Variants in CXCL1 observed in about 807,000 individuals in gnomAD.
CXCL1 encodes growth-regulated alpha protein.
In CXCL1, 9 loss-of-function variants were observed where a neutral mutation model predicts 11.7. That is an observed-to-expected ratio of 0.77 (90% CI 0.46 to 1.34). The LOEUF (loss-of-function observed/expected upper bound fraction) is 1.34, where lower values mean the gene tolerates loss of function less well. Among genes scored for constraint, CXCL1 ranks in the 40% most tolerant of loss-of-function variants. The probability of loss-of-function intolerance (pLI) is 0.00; values close to 1 mark genes in which losing one functional copy is unlikely to be tolerated. For missense variants in CXCL1, 146 were observed against 138.1 expected, an observed-to-expected ratio of 1.06 and a Z score of -0.29; for synonymous variants, 78 against 59.1, an observed-to-expected ratio of 1.32 and a Z score of -1.47.
At chr4:73,869,867 C>G (rs371644294) in intron 2 of CXCL1, 39 bp from the exon 3 acceptor site, 4 of 1,613,962 alleles carry the variant, frequency 2.5e-6, no homozygotes, top group Non-Finnish European at 3.4e-6. Flanking sequence ...CTGTCCCCAG[C>G]CCGACCTCCT....
chr4:73,869,507 C>T lies in CXCL1; in HGVS notation c.37C>T (p.Pro13Ser). Reference protein sequence around the residue: ...RAALSAAPSNPRLLRVALLLL... With the variant: ...RAALSAAPSNSRLLRVALLLL... The stretch of plus-strand genomic sequence containing the variant: ...TGCTCTCTCCGCCGCCCCCAGCAAT[C>T]CCCGGCTCCTGCGAGTGGCACTGCT... The change falls in exon 1 of 4, where the codon CCC (proline) becomes TCC (serine). Residue 13 changes from proline to serine, a missense_variant. By Grantham distance (74) the Pro-to-Ser change is moderately conservative. Coordinates refer to ENST00000395761, the MANE Select transcript of CXCL1 (RefSeq NM_001511.4). The T allele has an allele frequency of 1.3e-6, 2 of 1,592,124 alleles. No individual in the cohort carries two copies. Among genetic ancestry groups the T allele is most frequent in the East Asian group, 2.3e-5 (1 of 43,522 alleles).
At position 73,869,905 on chromosome 4, in the gene CXCL1, G is replaced by C; in HGVS notation, c.225-1G>C. The C allele has an allele frequency of 6.2e-7, 1 of 1,614,176 alleles. No homozygotes were observed. Among genetic ancestry groups the C allele is most frequent in the Admixed American group, 1.7e-5 (1 of 60,014 alleles). On this transcript the variant is annotated splice_acceptor_variant, in intron 2 of 3. Transcript: ENST00000395761. LOFTEE classifies it high-confidence loss of function. ...CTCACGAGATTCCCTTCCCTCTGCA[G>C]AGCCACACTCAAGAATGGGCGGAAA... is the stretch of plus-strand genomic sequence containing the variant.
At chr4:73,870,017 C>G (rs2018732) in intron 3 of CXCL1, 28 bp downstream of exon 3, 7 of 1,606,204 alleles carry the variant, frequency 4.4e-6, no homozygotes, top group Middle Eastern at 1.7e-4. Context: ...TGTACACAGG[C>G]GACTGGAGCC....
rs752979975 is a variant in CXCL1, at chr4:73,869,692, C to G, written c.124C>G (p.Arg42Gly). The stretch of plus-strand genomic sequence containing the variant: ...AGGAGCGTCCGTGGCCACTGAACTG[C>G]GCTGCCAGTGCTTGCAGACCCTGCA... ...AAGASVATEL[R>G]CQCLQTLQGI... The change falls in exon 2 of 4, where the codon CGC becomes GGC. Residue 42 changes from arginine (R) to glycine (G), a missense_variant. Coordinates refer to ENST00000395761, the MANE Select transcript of CXCL1 (RefSeq NM_001511.4). 7.4e-6 allele frequency: 12 copies of G among 1,614,202 alleles called. No individual in the cohort carries two copies. The highest frequency in any genetic ancestry group is 1.1e-5 in the South Asian group (1 of 91,090).
chr4:73,870,215 T>G, intron 3 of CXCL1: 1 of 631,890 alleles, frequency 1.6e-6, no homozygotes, highest in Non-Finnish European at 2.7e-6. Flanking sequence ...TTCGTTCCAA[T>G]GAATGTAGGT....
chr4:73,869,436 C>A lies in CXCL1; in HGVS notation c.-35C>A, dbSNP rs752846210. The A allele has an allele frequency of 6.5e-7, 1 of 1,540,986 alleles. No individual in the cohort carries two copies. The highest frequency in any genetic ancestry group is 1.2e-5 in the South Asian group (1 of 84,456). On this transcript the variant is annotated 5_prime_UTR_variant, in exon 1 of 4. Transcript: ENST00000395761. The stretch of plus-strand genomic sequence containing the variant: ...GCACCTCCTCGCCAGCTCTTCCGCT[C>A]CTCTCACAGCCGCCAGACCCGCCTG...
chr4:73,871,192 A>G lies in CXCL1; in HGVS notation c.*656A>G, dbSNP rs1304776071. 6.6e-6 allele frequency: 1 copy of G among 152,226 alleles called. No individual in the cohort carries two copies. The highest frequency in any genetic ancestry group is 1.5e-5 in the Non-Finnish European group (1 of 68,040). The allele number at this position is 152,226 out of a possible 1,614,324, so 9.4% of individuals were successfully genotyped here. ...TTCTGGCTTAGAACAAAGGGGCTTAATTATTGATGTTTTCATAGAGAATAT... is the reference window on the plus strand; with the variant it reads ...TTCTGGCTTAGAACAAAGGGGCTTAGTTATTGATGTTTTCATAGAGAATAT... On this transcript the variant is annotated 3_prime_UTR_variant, in exon 4 of 4. Transcript: ENST00000395761.
chr4:73,869,853 A>G, intron 2 of CXCL1, 53 bp from the exon 3 acceptor site: 1 of 1,613,598 alleles, frequency 6.2e-7, no homozygotes, highest in Non-Finnish European at 8.5e-7. Context: ...CTGCTGCCCC[A>G]ACCCTGTCCC....
rs1421735588 is a variant in CXCL1, at chr4:73,871,236, G to GA, written c.*706dup. On this transcript the variant is annotated 3_prime_UTR_variant, in exon 4 of 4. Transcript: ENST00000395761. ...AGAATATAAAAATAAAGCACTTATA[G>GA]AAAAAACTCGTTTGATTTTTGGGGG... The GA allele has an allele frequency of 6.6e-6, 1 of 152,158 alleles. No homozygotes were observed. The highest frequency in any genetic ancestry group is 2.4e-5 in the African/African-American group (1 of 41,440). The allele number at this position is 152,158 out of a possible 1,614,324, so 9.4% of individuals were successfully genotyped here.
Position 73,869,586 on chromosome 4 carries a change from C to G in CXCL1, c.100+16C>G. 6.2e-7 allele frequency: 1 copy of G among 1,612,556 alleles called. No individual in the cohort carries two copies. Among genetic ancestry groups the G allele is most frequent in the Non-Finnish European group, 8.5e-7 (1 of 1,179,296 alleles). On this transcript the variant is annotated intron_variant, in intron 1 of 3. Transcript: ENST00000395761. ...CGCGCAGCAGGTGGGTACCGGCGCC[C>G]TGGGGTCCCCGGGCCGGACGCGGCT...
chr4:73,869,869 C>A (rs1186434463), intron 2 of CXCL1, 37 bp from the exon 3 acceptor site: 3 of 1,613,974 alleles, frequency 1.9e-6, no homozygotes, highest in African/African-American at 2.7e-5. Context: ...GTCCCCAGCC[C>A]GACCTCCTGC....
chr4:73,870,027 C>T (rs1731911663), intron 3 of CXCL1, 38 bp downstream of exon 3: 2 of 1,601,026 alleles, frequency 1.2e-6, no homozygotes, highest in Admixed American at 1.7e-5. Context: ...CGACTGGAGC[C>T]GTTGGTCAGA....
intron 3 of CXCL1, chr4:73,870,269 G>A (rs751706267): frequency 4.9e-6 from 3 of 613,108 alleles, no homozygotes; most frequent in Non-Finnish European, 8.5e-6. Flanking sequence ...ACAGCAACAG[G>A]TTCTGGCTGT....
rs1333589724 is a variant in CXCL1, at chr4:73,871,121, T to C, written c.*585T>C. 1 of 152,716 alleles carries C rather than the reference T, an allele frequency of 6.5e-6. No homozygotes were observed. The highest frequency in any genetic ancestry group is 1.5e-5 in the Non-Finnish European group (1 of 68,352). 9.5% of individuals were successfully genotyped at this position (152,716 alleles called of 1,614,324 possible). On this transcript the variant is annotated 3_prime_UTR_variant, in exon 4 of 4. Coordinates refer to ENST00000395761, the MANE Select transcript of CXCL1 (RefSeq NM_001511.4). ...AAATATCCCTTGGACATTTTATGTC[T>C]TTCTTGTAAGGCATACTGCCTTGTT...
Position 73,869,784 on chromosome 4 carries a change from C to T in CXCL1, c.216C>T (p.Thr72=), listed in dbSNP as rs1349267264. The T allele has an allele frequency of 1.9e-6, 3 of 1,613,864 alleles. No homozygotes were observed. The highest frequency in any genetic ancestry group is 1.1e-5 in the South Asian group (1 of 91,074). The change falls in exon 2 of 4, where the codon ACC becomes ACT. Residue 72 remains threonine (T), a synonymous_variant. Coordinates refer to ENST00000395761, the MANE Select transcript of CXCL1 (RefSeq NM_001511.4). The stretch of plus-strand genomic sequence containing the variant: ...CCCCCGGACCCCACTGCGCCCAAAC[C>T]GAAGTCATGTAAGTCCCGCCCCGCG... ...VKSPGPHCAQ[T]EVIATLKNGR...
rs200274285 is a variant in CXCL1 at position 73,869,617 on chromosome 4, A to G, written c.100+47A>G. ...TCCCCGGGCCGGACGCGGCTGGGGTAGGCACCCAGCGCCGACAGCCTCGCT... is the reference window on the plus strand; with the variant it reads ...TCCCCGGGCCGGACGCGGCTGGGGTGGGCACCCAGCGCCGACAGCCTCGCT... On this transcript the variant is annotated intron_variant, in intron 1 of 3. Transcript: ENST00000395761. The G allele has an allele frequency of 7.1e-3, 11,528 of 1,613,486 alleles. 67 individuals are homozygous for G. The highest frequency in any genetic ancestry group is 0.022 in the Middle Eastern group (127 of 5,864).
rs1442056414 is a variant in CXCL1, at chr4:73,870,624, G to T, written c.*88G>T. On this transcript the variant is annotated 3_prime_UTR_variant, in exon 4 of 4. Transcript: ENST00000395761. The stretch of plus-strand genomic sequence containing the variant: ...CAGAAGAGGAAAGAGAGACACAGCT[G>T]CAGAGGCCACCTGGATTGTGCCTAA... 2.0e-6 allele frequency: 3 copies of T among 1,517,976 alleles called. No homozygotes were observed. Among genetic ancestry groups the T allele is most frequent in the Middle Eastern group, 2.2e-4 (1 of 4,552 alleles). The allele number at this position is 1,517,976 out of a possible 1,614,324, so 94.0% of individuals were successfully genotyped here.
At position 73,869,573 on chromosome 4, in the gene CXCL1, G is replaced by C; in HGVS notation, c.100+3G>C. 1 of 1,611,946 alleles carries C rather than the reference G, an allele frequency of 6.2e-7. No homozygotes were observed. The highest frequency in any genetic ancestry group is 8.5e-7 in the Non-Finnish European group (1 of 1,179,066). On this transcript the variant is annotated splice_donor_region_variant and intron_variant, in intron 1 of 3. Coordinates refer to ENST00000395761, the MANE Select transcript of CXCL1 (RefSeq NM_001511.4). ...AGCCGCTGGCCGGCGCGCAGCAGGTGGGTACCGGCGCCCTGGGGTCCCCGG... is the reference window on the plus strand; with the variant it reads ...AGCCGCTGGCCGGCGCGCAGCAGGTCGGTACCGGCGCCCTGGGGTCCCCGG...
At chr4:73,870,151 G>T in intron 3 of CXCL1, 162 bp downstream of exon 3, 1 of 743,740 alleles carries the variant, frequency 1.3e-6, no homozygotes. Flanking sequence ...GATAATTACT[G>T]CTCTGGTGCC....
Sources: gnomAD v4.1 joint callset for allele counts on GRCh38, gnomAD v4.1.1 for gene constraint, MANE v1.5 for transcripts, NCBI Gene and HGNC (gene_info 2026-07-23, HGNC 2026-07-21) for gene names.